The following PTPN3 variants were observed in gnomAD, a reference collection of about 807,000 sequenced individuals.
PTPN3 encodes the protein protein tyrosine phosphatase non-receptor type 3.
PTPN3 carries 96 observed loss-of-function variants against 132.7 expected under a neutral mutation model. That is an observed-to-expected ratio of 0.72 (90% confidence interval 0.61 to 0.86). PTPN3 has a LOEUF of 0.86. PTPN3 is among the 40% of genes least tolerant of loss of function. The probability of loss-of-function intolerance (pLI) is 0.00; values close to 1 mark genes in which losing one functional copy is unlikely to be tolerated. For missense variants in PTPN3, 1,125 were observed against 1,159.6 expected (o/e 0.97, Z 0.43); for synonymous variants, 398 against 429.0 (o/e 0.93, Z 0.89).
At chr9:109,428,786 G>A (rs1843458964) in intron 10 of PTPN3, 102 bp from the exon 11 acceptor site, 2 of 1,475,520 alleles carry the variant, frequency 1.4e-6, no homozygotes, top group Non-Finnish European at 1.8e-6. Context: ...ATCCTGATGA[G>A]TGGGGGCTCT....
At chr9:109,523,790 T>TTA in the PTPN3 span, among the ~76,000 whole-genome samples, 1 of 43,114 alleles carries the variant, frequency 2.3e-5, no homozygotes, top group East Asian at 4.8e-3. Context: ...AACACACACA[T>TTA]AGTGTATGCG....
chr9:109,464,657 T>C (rs1411940286), intron 1 of PTPN3, among the ~76,000 whole-genome samples: 2 of 152,192 alleles, frequency 1.3e-5, no homozygotes, highest in Non-Finnish European at 2.9e-5. Flanking sequence ...AGAATATTCA[T>C]AATAATCCTA....
At chr9:109,399,445 C>G (rs1384513974) in intron 19 of PTPN3, among the ~76,000 whole-genome samples, 3 of 152,202 alleles carry the variant, frequency 2.0e-5, no homozygotes, top group African/African-American at 7.2e-5. Flanking sequence ...TGATCCTCAT[C>G]ATGCTGGCCA....
chr9:109,444,376 C>T (rs2131970137), intron 7 of PTPN3, among the ~76,000 whole-genome samples: 1 of 152,296 alleles, frequency 6.6e-6, no homozygotes, highest in Non-Finnish European at 1.5e-5. Context: ...TAAAGTTTTG[C>T]TGATTGAATG....
At chr9:109,483,269 G>A (rs544008606) in intron 1 of PTPN3, among the ~76,000 whole-genome samples, 1 of 152,310 alleles carries the variant, frequency 6.6e-6, no homozygotes, top group Non-Finnish European at 1.5e-5. Flanking sequence ...CCTGGCTAAT[G>A]CCATAGCTGG....
At chr9:109,458,233 G>A (rs1845665344) in intron 2 of PTPN3, among the ~76,000 whole-genome samples, 1 of 152,178 alleles carries the variant, frequency 6.6e-6, no homozygotes, top group African/African-American at 2.4e-5. Flanking sequence ...CGTAGAGGAA[G>A]CAACCCCCTG....
chr9:109,410,105 G>C (rs374601575), intron 15 of PTPN3, 29 bp from the exon 16 acceptor site: 35 of 1,614,172 alleles, frequency 2.2e-5, no homozygotes, highest in South Asian at 1.4e-4. Context: ...GTGGTCATTT[G>C]CATCACATCT....
At chr9:109,381,922 C>T (rs377274571) in intron 24 of PTPN3, 135 bp from the exon 25 acceptor site, 51 of 1,060,174 alleles carry the variant, frequency 4.8e-5, no homozygotes, top group Non-Finnish European at 6.9e-5. Context: ...ACACTCACGG[C>T]GTGCTCTCAA....
Position 109,404,554 on chromosome 9 carries a change from G to C in PTPN3, c.1847C>G (p.Pro616Arg). The change falls in exon 19 of 26, where the codon CCC (proline) becomes CGC (arginine). Residue 616 changes from proline to arginine, a missense_variant. Coordinates refer to ENST00000374541, the MANE Select transcript of PTPN3 (RefSeq NM_002829.4). Reference sequence around the variant, plus strand: ...CGGACACATGGGGAAAATGGCTTCGGGGAAAAGCTGGTTCAGTTCATCTTC... The same window carrying C: ...CGGACACATGGGGAAAATGGCTTCGCGGAAAAGCTGGTTCAGTTCATCTTC... ...KSEDELNQLF[P>R]EAIFPMCPEG... The C allele has an allele frequency of 6.4e-7, 1 of 1,566,868 alleles. No homozygotes were observed. Among genetic ancestry groups the C allele is most frequent in the Non-Finnish European group, 8.7e-7 (1 of 1,149,244 alleles).
intron 1 of PTPN3, among the ~76,000 whole-genome samples, chr9:109,490,503 C>T (rs550586613): frequency 2.4e-4 from 36 of 151,874 alleles, no homozygotes; most frequent in South Asian, 1.7e-3. Context: ...TTTGGGAGGC[C>T]GAGGTGGGCG....
intron 2 of PTPN3, among the ~76,000 whole-genome samples, chr9:109,460,639 C>G (rs1845801278): frequency 6.6e-6 from 1 of 152,188 alleles, no homozygotes; most frequent in Non-Finnish European, 1.5e-5. Flanking sequence ...GGGATGTGCT[C>G]CCTCCAGATG....
intron 16 of PTPN3, among the ~76,000 whole-genome samples, chr9:109,408,794 A>ATATATATATATATAT (rs373957307): frequency 1.0e-4 from 9 of 87,374 alleles, no homozygotes; most frequent in East Asian, 5.8e-4. Context: ...AAAAAAAAAA[A>ATATATATATATATAT]AAATATATAT....
intron 1 of PTPN3, among the ~76,000 whole-genome samples, chr9:109,464,488 C>T (rs1846000900): frequency 6.6e-6 from 1 of 152,158 alleles, no homozygotes. Context: ...ATAATCTGTA[C>T]ACCAAATCTC....
At chr9:109,465,160 C>T (rs984779665) in intron 1 of PTPN3, among the ~76,000 whole-genome samples, 5 of 152,144 alleles carry the variant, frequency 3.3e-5, no homozygotes, top group African/African-American at 7.2e-5. Flanking sequence ...TATTAGGGAA[C>T]AGTAAGGAAA....
chr9:109,469,025 C>T (rs2132065559), intron 1 of PTPN3, among the ~76,000 whole-genome samples: 1 of 152,302 alleles, frequency 6.6e-6, no homozygotes, highest in South Asian at 2.1e-4. Flanking sequence ...CTTTGAGCTG[C>T]TCTACAAACT....
chr9:109,453,247 T>TA (rs1281345140), intron 5 of PTPN3, among the ~76,000 whole-genome samples: 2 of 152,078 alleles, frequency 1.3e-5, no homozygotes, highest in African/African-American at 2.4e-5. Flanking sequence ...TAATTACTGC[T>TA]AAAAAAAATT....
At position 109,378,495 on chromosome 9, in the gene PTPN3, T is replaced by C. The variant is rs1331614797; in HGVS notation, c.*1061A>G. On this transcript the variant is annotated 3_prime_UTR_variant, in exon 26 of 26. Transcript: ENST00000374541. ...TCCATACAGAGACTCATTCTTTATA[T>C]ATACTCAACGGTAATTTGAATCGTT... The C allele has an allele frequency of 6.6e-6, 1 of 152,636 alleles. No individual in the cohort carries two copies. Among genetic ancestry groups the C allele is most frequent in the Non-Finnish European group, 1.5e-5 (1 of 68,044 alleles). The allele number at this position is 152,636 out of a possible 1,614,324, so 9.5% of individuals were successfully genotyped here. A position where few individuals can be genotyped will look rare whatever the true frequency, so the allele number is the denominator to read the frequency against.
In PTPN3 at chr9:109,422,772, TCCA is replaced by T; in HGVS notation, c.1079_1081del (p.Val360del). The stretch of plus-strand genomic sequence containing the variant: ...AGGCAGACTCTTGGTTTCTAAGTGC[TCCA>T]CTGATAAGGATCTCCGCATGGCTGG... On this transcript the variant is annotated inframe_deletion, in exon 13 of 26. Transcript: ENST00000374541. The T allele has an allele frequency of 6.2e-7, 1 of 1,611,300 alleles. No homozygotes were observed. Among genetic ancestry groups the T allele is most frequent in the Non-Finnish European group, 8.5e-7 (1 of 1,177,714 alleles).
At chr9:109,491,262 T>C (rs990535830) in intron 1 of PTPN3, among the ~76,000 whole-genome samples, 3 of 152,104 alleles carry the variant, frequency 2.0e-5, no homozygotes, top group African/African-American at 4.8e-5. Flanking sequence ...TGTATCACTA[T>C]TAATTTATTG....
Sources: gnomAD v4.1 joint callset for allele counts (sites outside exome capture counted in the v4.1 genomes callset) on GRCh38, gnomAD v4.1.1 for gene constraint, MANE v1.5 for transcripts, NCBI Gene and HGNC (gene_info 2026-07-23, HGNC 2026-07-21) for gene names.